Variants in TMEM163 observed in about 807,000 individuals in gnomAD.
The protein encoded by TMEM163 is transmembrane protein 163.
Under a neutral mutation model 29.3 loss-of-function variants are expected in TMEM163, and 17 were observed. The observed-to-expected ratio is 0.58, with a 90% CI of 0.40 to 0.87. The LOEUF (loss-of-function observed/expected upper bound fraction) is 0.87, where lower values mean the gene tolerates loss of function less well. TMEM163 is among the 40% of genes least tolerant of loss of function. The pLI, the probability that TMEM163 is intolerant of heterozygous loss-of-function variation, is 0.00. For synonymous variants in TMEM163, 157 were observed against 160.6 expected, an observed-to-expected ratio of 0.98 and a Z score of 0.17; for missense variants, 303 against 381.5, an observed-to-expected ratio of 0.79 and a Z score of 1.71.
chr2:134,544,578 G>A (rs1680740237), intron 4 of TMEM163, among the ~76,000 whole-genome samples: 1 of 152,124 alleles, frequency 6.6e-6, no homozygotes, highest in African/African-American at 2.4e-5. Flanking sequence ...CAGATCACCT[G>A]GGGTCAAGAG....
chr2:134,713,047 T>G (rs1019044863), intron 2 of TMEM163, among the ~76,000 whole-genome samples, 153 bp downstream of exon 2: 1 of 152,224 alleles, frequency 6.6e-6, no homozygotes, highest in Admixed American at 6.5e-5. Context: ...GAAAGCCTTT[T>G]GACTAATTTA....
chr2:134,610,010 G>A (rs1682463303), intron 2 of TMEM163, among the ~76,000 whole-genome samples: 1 of 152,198 alleles, frequency 6.6e-6, no homozygotes, highest in Non-Finnish European at 1.5e-5. Flanking sequence ...GCTGGGTGGG[G>A]TGAGGCAAAA....
chr2:134,659,496 G>C (rs1490994533), intron 2 of TMEM163, among the ~76,000 whole-genome samples: 1 of 152,126 alleles, frequency 6.6e-6, no homozygotes, highest in Non-Finnish European at 1.5e-5. Flanking sequence ...GAGCAAGTGT[G>C]GATGGCAGGG....
intron 2 of TMEM163, among the ~76,000 whole-genome samples, chr2:134,567,547 C>T (rs954552702): frequency 2.6e-5 from 4 of 152,080 alleles, no homozygotes; most frequent in South Asian, 2.1e-4. Context: ...CAAAATTAGC[C>T]GAGTATGGTG....
At chr2:134,605,111 A>G (rs982320814) in intron 2 of TMEM163, among the ~76,000 whole-genome samples, 7 of 149,008 alleles carry the variant, frequency 4.7e-5, no homozygotes, top group Middle Eastern at 3.2e-3. Context: ...TGGGAAGCGG[A>G]GGTTACAGTG....
chr2:134,565,466 C>T (rs753553121), intron 2 of TMEM163, among the ~76,000 whole-genome samples: 2 of 151,366 alleles, frequency 1.3e-5, no homozygotes, highest in African/African-American at 2.4e-5. Flanking sequence ...ATTAGCCAGG[C>T]GTGGTGGCAG....
intron 4 of TMEM163, among the ~76,000 whole-genome samples, chr2:134,524,624 C>T (rs909007827): frequency 6.7e-6 from 1 of 150,018 alleles, no homozygotes; most frequent in Non-Finnish European, 1.5e-5. Context: ...ATGTGGTGTT[C>T]GGCTTTGTTC....
rs369346602 is a variant in TMEM163 at position 134,655,376 on chromosome 2, C to T, written c.322+57824G>A. 3.7e-5 allele frequency among the ~76,000 whole-genome samples: 4 copies of T among 109,188 alleles called. No homozygotes were observed. The South Asian group carries it at 1.2e-3, about 33-fold the overall frequency. The allele number at this position is 109,188 out of a possible 152,430, so 71.6% of individuals were successfully genotyped here. On this transcript the variant is annotated intron_variant, in intron 2 of 7. Coordinates refer to ENST00000281924, the MANE Select transcript of TMEM163 (RefSeq NM_030923.5). ...GCTTCTGCATTCTTCACGTAGTTCT[C>T]GAGCCTTGGTTTTCAGCTCCATCAG... is the stretch of plus-strand genomic sequence containing the variant.
At chr2:134,700,942 A>ATAAATAAATAAATAAT (rs61311028) in intron 2 of TMEM163, among the ~76,000 whole-genome samples, 5,144 of 119,304 alleles carry the variant, frequency 0.043, 170 homozygotes, top group African/African-American at 0.1. Flanking sequence ...AAATAAATAA[A>ATAAATAAATAAATAAT]TAAATAAAGT....
At chr2:134,568,626 AAG>A (rs1295635892) in intron 2 of TMEM163, among the ~76,000 whole-genome samples, 1 of 151,616 alleles carries the variant, frequency 6.6e-6, no homozygotes, top group African/African-American at 2.4e-5. Flanking sequence ...AGAAAGAAAA[AAG>A]AAAGAAGAAA....
At position 134,522,451 on chromosome 2, in the gene TMEM163, G is replaced by T. The variant is rs181149065; in HGVS notation, c.459-19454C>A. Among the ~76,000 whole-genome samples, 91 of 152,372 alleles carry T rather than the reference G, an allele frequency of 6.0e-4. 4 individuals carry two copies. In the East Asian group the frequency reaches 0.015, roughly 26 times the overall value. ...TAAGCAGGTTAGTCCCAGAAACTAA[G>T]CCATCTTGGCACTGACAGCATCCGA... is the stretch of plus-strand genomic sequence containing the variant. On this transcript the variant is annotated intron_variant, in intron 4 of 7. Coordinates refer to ENST00000281924, the MANE Select transcript of TMEM163 (RefSeq NM_030923.5).
chr2:134,673,129 C>T (rs1447397331), intron 2 of TMEM163, among the ~76,000 whole-genome samples: 2 of 152,164 alleles, frequency 1.3e-5, no homozygotes, highest in African/African-American at 4.8e-5. Flanking sequence ...AAAATGCACA[C>T]ATGCCTAAAG....
intron 2 of TMEM163, among the ~76,000 whole-genome samples, chr2:134,646,415 C>A (rs562404848): frequency 2.0e-5 from 3 of 151,602 alleles, no homozygotes; most frequent in Non-Finnish European, 4.4e-5. Flanking sequence ...TGGTTTGCTT[C>A]TTTTCAGCTT....
intron 2 of TMEM163, among the ~76,000 whole-genome samples, chr2:134,615,277 A>C (rs1049777243): frequency 3.3e-5 from 5 of 152,226 alleles, no homozygotes; most frequent in African/African-American, 1.2e-4. Context: ...GCTAAAATAG[A>C]AGCAAGAACA....
chr2:134,471,342 G>A (rs776637548), intron 5 of TMEM163, among the ~76,000 whole-genome samples: 1 of 152,148 alleles, frequency 6.6e-6, no homozygotes, highest in Non-Finnish European at 1.5e-5. Context: ...AATGAGACTA[G>A]TACCCTTATA....
chr2:134,613,800 T>C (rs577644936), intron 2 of TMEM163, among the ~76,000 whole-genome samples: 1 of 152,248 alleles, frequency 6.6e-6, no homozygotes, highest in Admixed American at 6.5e-5. Flanking sequence ...ATGAGATCTA[T>C]ATGCTGAAAA....
intron 2 of TMEM163, among the ~76,000 whole-genome samples, chr2:134,564,063 G>A (rs925584086): frequency 2.6e-5 from 4 of 152,108 alleles, no homozygotes; most frequent in Admixed American, 6.6e-5. Flanking sequence ...CAGCAGTGGC[G>A]GTGGCAGGGT....
intron 2 of TMEM163, among the ~76,000 whole-genome samples, chr2:134,641,353 G>A (rs949393455): frequency 6.6e-6 from 1 of 152,136 alleles, no homozygotes; most frequent in Admixed American, 6.5e-5. Flanking sequence ...AATTGATTGT[G>A]AGCATGAACA....
chr2:134,698,813 C>A (rs997317031), intron 2 of TMEM163, among the ~76,000 whole-genome samples: 2 of 152,122 alleles, frequency 1.3e-5, no homozygotes, highest in African/African-American at 4.8e-5. Context: ...ATTATTATTG[C>A]ACTGTGGTCA....
Sources: gnomAD v4.1 joint callset for allele counts (sites outside exome capture counted in the v4.1 genomes callset) on GRCh38, gnomAD v4.1.1 for gene constraint, MANE v1.5 for transcripts, NCBI Gene and HGNC (gene_info 2026-07-23, HGNC 2026-07-21) for gene names.